Variants in DISC1 observed in about 807,000 individuals in gnomAD.
DISC1 encodes the protein DISC1 scaffold protein.
A neutral mutation model predicts 84.5 loss-of-function variants in DISC1; 57 were observed. That is an observed-to-expected ratio of 0.67 (90% CI 0.55 to 0.84). DISC1 has a LOEUF of 0.84. Ranked by LOEUF, DISC1 falls within the 40% of genes least tolerant of loss-of-function variation. The probability of loss-of-function intolerance (pLI) is 0.00; values close to 1 mark genes in which losing one functional copy is unlikely to be tolerated. For synonymous variants in DISC1, 411 were observed against 415.2 expected (o/e 0.99, Z 0.12); for missense variants, 1,000 against 1,057.8 (o/e 0.95, Z 0.76).
At chr1:231,668,890 T>C (rs1173386419) in intron 1 of DISC1, among the ~76,000 whole-genome samples, 1 of 152,186 alleles carries the variant, frequency 6.6e-6, no homozygotes, top group East Asian at 1.9e-4. Context: ...CAATTTGCCA[T>C]TTCCTATGGC....
chr1:231,966,709 C>T (rs1260894571), intron 10 of DISC1, among the ~76,000 whole-genome samples: 1 of 152,188 alleles, frequency 6.6e-6, no homozygotes, highest in Non-Finnish European at 1.5e-5. Flanking sequence ...CAACATAAAA[C>T]CTTTACCACG....
intron 4 of DISC1, among the ~76,000 whole-genome samples, chr1:231,751,068 T>C (rs148805930): frequency 6.6e-6 from 1 of 152,256 alleles, no homozygotes; most frequent in Admixed American, 6.5e-5. Flanking sequence ...TGCTTCCTTA[T>C]AACTATTTGC....
chr1:231,665,486 C>G (rs927691555), intron 1 of DISC1, among the ~76,000 whole-genome samples: 1 of 152,184 alleles, frequency 6.6e-6, no homozygotes, highest in African/African-American at 2.4e-5. Context: ...TGGTTGCCCA[C>G]CATTTCGGAC....
rs896376649 is a variant in DISC1 at position 231,698,529 on chromosome 1, C to T, written c.1048-3426C>T. Reference sequence around the variant, plus strand: ...GGACGTTCCACAGGCAGGGTTGTGGCACAGTGCAAGACATGGCCACTGGGG... The same window carrying T: ...GGACGTTCCACAGGCAGGGTTGTGGTACAGTGCAAGACATGGCCACTGGGG... On this transcript the variant is annotated intron_variant, in intron 2 of 12. Coordinates refer to ENST00000439617, the MANE Select transcript of DISC1 (RefSeq NM_018662.3). This position sits in a 1 kb window ranked among gnomAD's most constrained non-coding sequence, Gnocchi z 4.9. 6.6e-6 allele frequency among the ~76,000 whole-genome samples: 1 copy of T among 152,134 alleles called. No individual in the cohort carries two copies. The highest frequency in any genetic ancestry group is 2.4e-5 in the African/African-American group (1 of 41,412).
intron 9 of DISC1, among the ~76,000 whole-genome samples, chr1:231,909,522 C>T (rs1167114952): frequency 6.6e-6 from 1 of 152,136 alleles, no homozygotes; most frequent in Non-Finnish European, 1.5e-5. Context: ...GGATGAAGCC[C>T]ACTTGATCCT....
chr1:231,840,581 C>G (rs752012224), intron 9 of DISC1, among the ~76,000 whole-genome samples: 1 of 152,010 alleles, frequency 6.6e-6, no homozygotes, highest in Non-Finnish European at 1.5e-5. Context: ...CCTATTCATA[C>G]GATGCTCTGG....
At chr1:231,995,051 G>T (rs568162510) in intron 10 of DISC1, among the ~76,000 whole-genome samples, 1 of 152,194 alleles carries the variant, frequency 6.6e-6, no homozygotes, top group East Asian at 1.9e-4. Flanking sequence ...CATTGGAGAA[G>T]AAGACTAAAA....
intron 9 of DISC1, among the ~76,000 whole-genome samples, chr1:231,877,291 T>C (rs2085961341): frequency 6.6e-6 from 1 of 152,192 alleles, no homozygotes; most frequent in Non-Finnish European, 1.5e-5. Context: ...ATTCCTGACA[T>C]AGGTTATTGA....
chr1:231,866,183 G>A (rs538028673), intron 9 of DISC1, among the ~76,000 whole-genome samples: 35 of 152,114 alleles, frequency 2.3e-4, no homozygotes, highest in South Asian at 6.2e-4. Context: ...CCCCCTGCAC[G>A]TGCAGAGCAA....
rs910687369 is a variant in DISC1 at position 231,972,443 on chromosome 1, G to A, written c.2042+13555G>A. Reference sequence around the variant, plus strand: ...TAGTCAAGTGTAACTGTATGATTTCGGAATGAATATGGCCCCATCTTTGTT... The same window carrying A: ...TAGTCAAGTGTAACTGTATGATTTCAGAATGAATATGGCCCCATCTTTGTT... On this transcript the variant is annotated intron_variant, in intron 10 of 12. Transcript: ENST00000439617. Among the ~76,000 whole-genome samples the A allele has an allele frequency of 3.3e-5, 5 of 152,140 alleles. No homozygotes were observed. In the East Asian group the frequency reaches 7.7e-4, roughly 23 times the overall value.
Position 232,026,755 on chromosome 1 carries a change from CTTTTTTCTT to C in DISC1, c.2425+210_2425+218del, listed in dbSNP as rs1368964615. ...CAGTAAGCAATTCAGTATTTTTTTT[CTTTTTTCTT>C]TTTTTTTTTTTTTTTTTTTTGATGC... On this transcript the variant is annotated intron_variant, in intron 12 of 12. Coordinates refer to ENST00000439617, the MANE Select transcript of DISC1 (RefSeq NM_018662.3). Among the ~76,000 whole-genome samples the C allele has an allele frequency of 8.3e-5, 10 of 120,414 alleles. No homozygotes were observed. In the East Asian group the frequency reaches 2.3e-3, roughly 27 times the overall value. The allele number at this position is 120,414 out of a possible 152,430, so 79.0% of individuals were successfully genotyped here.
intron 9 of DISC1, among the ~76,000 whole-genome samples, chr1:231,896,891 A>T (rs1051128045): frequency 7.2e-5 from 11 of 152,196 alleles, no homozygotes; most frequent in Non-Finnish European, 1.5e-4. Context: ...TCCATAGAAG[A>T]TTTTTTTGAA....
At chr1:231,975,058 C>T (rs1365172714) in intron 10 of DISC1, among the ~76,000 whole-genome samples, 2 of 152,142 alleles carry the variant, frequency 1.3e-5, no homozygotes, top group Non-Finnish European at 2.9e-5. Context: ...GAGATCGCAC[C>T]ACTGCACTCC....
intron 9 of DISC1, among the ~76,000 whole-genome samples, chr1:231,957,124 A>T (rs1659649013): frequency 6.6e-6 from 1 of 152,194 alleles, no homozygotes; most frequent in Non-Finnish European, 1.5e-5. Context: ...AGTCTACCAC[A>T]GTGGCCCGCT....
intron 9 of DISC1, chr1:231,866,582 C>T: frequency 7.6e-7 from 1 of 1,321,880 alleles, no homozygotes; most frequent in Non-Finnish European, 1.1e-6. Flanking sequence ...TGCCTGAGGA[C>T]AGCCTGCAGG....
chr1:231,830,535 A>G (rs1225669002), intron 9 of DISC1, among the ~76,000 whole-genome samples: 4 of 152,240 alleles, frequency 2.6e-5, no homozygotes, highest in Non-Finnish European at 5.9e-5. Context: ...AGGAGATATC[A>G]GCTGTGATGG....
rs182270626 is a variant in DISC1 at position 231,980,681 on chromosome 1, G to T, written c.2042+21793G>T. Among the ~76,000 whole-genome samples the T allele has an allele frequency of 1.4e-3, 219 of 152,240 alleles. 3 individuals are homozygous for T. Among genetic ancestry groups the T allele is most frequent in the South Asian group, 0.014 (66 of 4,826 alleles). ...ATATTTCATTGAAGGGCATTTGGTT[G>T]GTTTCTAACTTTTTGTTATATGATA... On this transcript the variant is annotated intron_variant, in intron 10 of 12. Transcript: ENST00000439617.
chr1:231,886,967 T>G (rs2086817444), intron 9 of DISC1, among the ~76,000 whole-genome samples: 1 of 151,642 alleles, frequency 6.6e-6, no homozygotes, highest in Admixed American at 6.6e-5. Context: ...GTTCAAGCGA[T>G]TCTCCTGCCT....
At position 231,892,179 on chromosome 1, in the gene DISC1, A is replaced by G. The variant is rs539283878; in HGVS notation, c.1982-66649A>G. Among the ~76,000 whole-genome samples the G allele has an allele frequency of 1.7e-4, 26 of 152,336 alleles. No homozygotes were observed. In the South Asian group the frequency reaches 5.4e-3, roughly 32 times the overall value. ...GGCCACATAATGTTGGATAATGTTA[A>G]TGCCACAGGTGGAGGACGTGGGTGT... On this transcript the variant is annotated intron_variant, in intron 9 of 12. Coordinates refer to ENST00000439617, the MANE Select transcript of DISC1 (RefSeq NM_018662.3).
Sources: allele counts gnomAD v4.1 joint callset (sites outside exome capture counted in the v4.1 genomes callset), GRCh38; gene constraint gnomAD v4.1.1; non-coding constraint Gnocchi (gnomAD v3.1); transcripts MANE v1.5; gene names NCBI Gene and HGNC (gene_info 2026-07-23, HGNC 2026-07-21).